Variants in SEMA5A observed in about 807,000 individuals in gnomAD.
The protein encoded by SEMA5A is semaphorin-5A.
A neutral mutation model predicts 135.5 loss-of-function variants in SEMA5A; 55 were observed. The observed-to-expected ratio is 0.41, with a 90% CI of 0.33 to 0.51. The LOEUF (loss-of-function observed/expected upper bound fraction) is 0.51, where lower values mean the gene tolerates loss of function less well. Among genes scored for constraint, SEMA5A ranks in the 20% least tolerant of loss-of-function variants. The pLI, the probability that SEMA5A is intolerant of heterozygous loss-of-function variation, is 0.37. For missense variants in SEMA5A, 1,290 were observed against 1,419.9 expected (o/e 0.91, Z 1.47); for synonymous variants, 580 against 546.5 (o/e 1.06, Z -0.85).
intron 12 of SEMA5A, among the ~76,000 whole-genome samples, chr5:9,141,526 T>G (rs1355138894): frequency 2.6e-5 from 4 of 152,214 alleles, no homozygotes; most frequent in African/African-American, 9.6e-5. Context: ...TATCTGAATT[T>G]AGATAAAAAT....
intron 7 of SEMA5A, among the ~76,000 whole-genome samples, chr5:9,225,605 A>G (rs896743175): frequency 3.3e-5 from 5 of 151,628 alleles, no homozygotes; most frequent in Non-Finnish European, 7.4e-5. Flanking sequence ...AATTCTATCA[A>G]TATAAGTGAA....
chr5:9,440,549 A>T (rs1039403366), intron 1 of SEMA5A, among the ~76,000 whole-genome samples: 3 of 152,210 alleles, frequency 2.0e-5, no homozygotes, highest in Non-Finnish European at 2.9e-5. Flanking sequence ...TGCCACCATG[A>T]ACATATATGT....
chr5:9,118,389 A>G (rs1250988960), intron 15 of SEMA5A, among the ~76,000 whole-genome samples: 1 of 152,328 alleles, frequency 6.6e-6, no homozygotes, highest in East Asian at 1.9e-4. Flanking sequence ...CTGAAACCAA[A>G]TGTCTAATTC....
intron 6 of SEMA5A, among the ~76,000 whole-genome samples, chr5:9,231,699 T>G (rs1027237005): frequency 1.3e-5 from 2 of 152,172 alleles, no homozygotes; most frequent in African/African-American, 2.4e-5. Context: ...AGAAGTCCCT[T>G]TAGGAGATTC....
intron 5 of SEMA5A, among the ~76,000 whole-genome samples, chr5:9,248,862 G>A (rs762889572): frequency 5.3e-5 from 8 of 152,060 alleles, no homozygotes; most frequent in South Asian, 2.1e-4. Context: ...TATTTTAGTC[G>A]CATAAGAATT....
chr5:9,517,269 T>G (rs1561315359), intron 1 of SEMA5A: 1 of 152,244 alleles, frequency 6.6e-6, no homozygotes. Flanking sequence ...AAATTAAGTT[T>G]AAATTCATGT....
chr5:9,503,840 T>A (rs1029044854), intron 1 of SEMA5A, among the ~76,000 whole-genome samples: 1 of 152,210 alleles, frequency 6.6e-6, no homozygotes, highest in Non-Finnish European at 1.5e-5. Context: ...TTTAAGTCAA[T>A]AAATGTCCAG....
intron 2 of SEMA5A, among the ~76,000 whole-genome samples, chr5:9,408,781 T>A (rs569668426): frequency 1.3e-5 from 2 of 152,060 alleles, no homozygotes; most frequent in African/African-American, 4.8e-5. Flanking sequence ...TCTGAACCAC[T>A]CCAATGTGTA....
intron 16 of SEMA5A, among the ~76,000 whole-genome samples, chr5:9,096,787 C>T (rs253641): frequency 0.011 from 1,630 of 152,120 alleles, 29 homozygotes; most frequent in African/African-American, 0.038. Flanking sequence ...TGTCAAGGGA[C>T]TTGAAAAGAA....
chr5:9,108,369 C>A, intron 15 of SEMA5A, 82 bp from the exon 16 acceptor site: 1 of 1,523,580 alleles, frequency 6.6e-7, no homozygotes, highest in South Asian at 1.2e-5. Context: ...ATCCCTGCAC[C>A]AGATGTTGAA....
chr5:9,127,418 C>A (rs1741175347), intron 13 of SEMA5A, among the ~76,000 whole-genome samples: 1 of 152,168 alleles, frequency 6.6e-6, no homozygotes, highest in African/African-American at 2.4e-5. Flanking sequence ...CAGCAAATTC[C>A]TAGGCATTCC....
chr5:9,154,371 G>C (rs902369410), intron 12 of SEMA5A, 117 bp downstream of exon 12: 1 of 786,562 alleles, frequency 1.3e-6, no homozygotes, highest in Non-Finnish European at 2.1e-6. Context: ...GACTCTCAGA[G>C]GCATGAAGGG....
intron 5 of SEMA5A, among the ~76,000 whole-genome samples, chr5:9,299,287 G>A (rs1461961218): frequency 1.3e-5 from 2 of 152,124 alleles, no homozygotes; most frequent in Non-Finnish European, 2.9e-5. Context: ...GCATTAGAGG[G>A]GAGACTATTA....
In SEMA5A at chr5:9,301,082, G is replaced by A. The variant is rs184064466; in HGVS notation, c.270+17290C>T. On this transcript the variant is annotated intron_variant, in intron 5 of 22. Coordinates refer to ENST00000382496, the MANE Select transcript of SEMA5A (RefSeq NM_003966.3). Reference sequence around the variant, plus strand: ...CAACTTATATTCTCTCTAATGGCCAGAACTGACTGGTTTAAATGTGACTTC... The same window carrying A: ...CAACTTATATTCTCTCTAATGGCCAAAACTGACTGGTTTAAATGTGACTTC... 1.2e-4 allele frequency among the ~76,000 whole-genome samples: 19 copies of A among 152,268 alleles called. No homozygotes were observed. The East Asian group carries it at 3.7e-3, about 29-fold the overall frequency.
chr5:9,449,670 A>G (rs1758563201), intron 1 of SEMA5A, among the ~76,000 whole-genome samples: 1 of 152,196 alleles, frequency 6.6e-6, no homozygotes, highest in Non-Finnish European at 1.5e-5. Flanking sequence ...ATATCCCTAA[A>G]GTTAGCTTTA....
At chr5:9,252,669 C>T (rs1748860559) in intron 5 of SEMA5A, among the ~76,000 whole-genome samples, 1 of 152,162 alleles carries the variant, frequency 6.6e-6, no homozygotes, top group Non-Finnish European at 1.5e-5. Flanking sequence ...GATGGTAGGA[C>T]AGATCCATCC....
intron 13 of SEMA5A, among the ~76,000 whole-genome samples, chr5:9,133,212 A>G (rs950342254): frequency 6.6e-5 from 10 of 152,216 alleles, no homozygotes; most frequent in African/African-American, 2.4e-4. Flanking sequence ...TTTTTTAAAT[A>G]CCTAAGTTAA....
chr5:9,125,522 T>C (rs1168021259), intron 13 of SEMA5A, among the ~76,000 whole-genome samples: 2 of 152,098 alleles, frequency 1.3e-5, no homozygotes, highest in Admixed American at 1.3e-4. Context: ...CAGGTCCCAA[T>C]GTGTGATGTT....
intron 11 of SEMA5A, among the ~76,000 whole-genome samples, chr5:9,159,837 T>C (rs1743152405): frequency 6.6e-6 from 1 of 152,088 alleles, no homozygotes; most frequent in Admixed American, 6.5e-5. Flanking sequence ...ATAAAGAAAA[T>C]GTGGTACATA....
Sources: gnomAD v4.1 joint callset for allele counts (sites outside exome capture counted in the v4.1 genomes callset) on GRCh38, gnomAD v4.1.1 for gene constraint, MANE v1.5 for transcripts, NCBI Gene and HGNC (gene_info 2026-07-23, HGNC 2026-07-21) for gene names.